ARHGEF3: variants seen among roughly 807,000 people sequenced by gnomAD.
ARHGEF3 encodes 59.8 kDA protein.
ARHGEF3 carries 28 observed loss-of-function variants against 63.2 expected under a neutral mutation model. The observed-to-expected ratio is 0.44, with a 90% CI of 0.33 to 0.61. ARHGEF3 has a LOEUF of 0.61. Ranked by LOEUF, ARHGEF3 falls within the 20% of genes least tolerant of loss-of-function variation. The pLI is 0.03. For synonymous variants in ARHGEF3, 266 were observed against 254.2 expected (o/e 1.05, Z -0.44); for missense variants, 533 against 659.3 (o/e 0.81, Z 2.10).
rs1579095125 is a variant in ARHGEF3 at position 57,015,601 on chromosome 3, T to A, written c.62+19487A>T. Among the ~76,000 whole-genome samples, 10 of 41,378 alleles carry A rather than the reference T, an allele frequency of 2.4e-4. No homozygotes were observed. The South Asian group carries it at 9.9e-3, about 41-fold the overall frequency. The allele number at this position is 41,378 out of a possible 152,430, so 27.1% of individuals were successfully genotyped here. ...GGCGGACACCACCACGCCCTGCTAA[T>A]TTTTTTTTTTTTTTTTTTTTAGTAC... is the stretch of plus-strand genomic sequence containing the variant. On this transcript the variant is annotated intron_variant, in intron 2 of 12. Transcript: ENST00000338458.
chr3:57,073,615 C>T (rs373410293), intron 1 of ARHGEF3: 3 of 1,505,126 alleles, frequency 2.0e-6, no homozygotes, highest in Middle Eastern at 2.3e-4. Context: ...TGCAAGAGTG[C>T]TGCATGCTCC....
chr3:56,992,407 A>AAAAAAAAAAAAAAC (rs1553799653), intron 2 of ARHGEF3, among the ~76,000 whole-genome samples: 4 of 116,178 alleles, frequency 3.4e-5, no homozygotes, highest in Non-Finnish European at 5.9e-5. Context: ...AAAAAAAAAA[A>AAAAAAAAAAAAAAC]AAAAAAACAG....
At chr3:56,925,329 G>A (rs578183852) in intron 3 of ARHGEF3, among the ~76,000 whole-genome samples, 24 of 152,300 alleles carry the variant, frequency 1.6e-4, no homozygotes, top group Admixed American at 9.2e-4. Context: ...TGGTCCTTCC[G>A]AAATTCTCTG....
chr3:57,079,010 C>G (rs1706341780), intron 1 of ARHGEF3: 1 of 339,390 alleles, frequency 2.9e-6, no homozygotes, highest in South Asian at 1.5e-4. Flanking sequence ...ATACCCCAGA[C>G]CAGGGAGCGC....
rs543527048 is a variant in ARHGEF3 at position 57,012,809 on chromosome 3, G to A, written c.62+22279C>T. On this transcript the variant is annotated intron_variant, in intron 2 of 12. Transcript: ENST00000338458. ...CACTTGAGGAGCCCTTCAGCCCACC[G>A]CTGCACTGTGGGAACCCATCTCTGG... 3.6e-3 allele frequency among the ~76,000 whole-genome samples: 548 copies of A among 152,280 alleles called. 4 individuals are homozygous for A. The highest frequency in any genetic ancestry group is 0.013 in the African/African-American group (525 of 41,560).
chr3:57,037,503 G>C (rs993528383), intron 1 of ARHGEF3, among the ~76,000 whole-genome samples: 2 of 152,218 alleles, frequency 1.3e-5, no homozygotes, highest in African/African-American at 4.8e-5. Context: ...AGGGGCCACT[G>C]GCTAGTTCTA....
intron 8 of ARHGEF3, 150 bp from the exon 9 acceptor site, chr3:56,732,574 G>T: frequency 1.2e-6 from 1 of 861,512 alleles, no homozygotes; most frequent in Non-Finnish European, 1.8e-6. Context: ...GAGAACCAAA[G>T]TTGGGCATGT....
In ARHGEF3 at chr3:56,953,434, C is replaced by T. The variant is rs116417977; in HGVS notation, c.129+5389G>A. 7.0e-3 allele frequency among the ~76,000 whole-genome samples: 1,064 copies of T among 152,308 alleles called. 4 individuals are homozygous for T. Among genetic ancestry groups the T allele is most frequent in the Non-Finnish European group, 9.3e-3 (636 of 68,026 alleles). ...GTCCTGATCTCTCCACTGTGAGTGA[C>T]CCTTAGGAGTGGGCTCCATTATTTT... On this transcript the variant is annotated intron_variant, in intron 3 of 12. Coordinates refer to the ARHGEF3 transcript ENST00000338458.
chr3:56,794,279 G>A (rs1402290176), intron 1 of ARHGEF3, among the ~76,000 whole-genome samples: 1 of 152,076 alleles, frequency 6.6e-6, no homozygotes, highest in South Asian at 2.1e-4. Context: ...TCTCAGGTCA[G>A]GAGTTCGAGA....
intron 3 of ARHGEF3, 57 bp from the exon 4 acceptor site, chr3:56,753,623 T>G: frequency 1.3e-6 from 2 of 1,504,226 alleles, no homozygotes; most frequent in Non-Finnish European, 1.8e-6. Flanking sequence ...AAGACCATAT[T>G]CAAATAGTGC....
intron 1 of ARHGEF3, among the ~76,000 whole-genome samples, chr3:57,037,157 C>T (rs558170496): frequency 1.3e-5 from 2 of 152,170 alleles, no homozygotes; most frequent in South Asian, 4.2e-4. Context: ...TATGGAGGGG[C>T]CCAGGCTAGG....
chr3:56,838,853 G>A (rs1394565372), intron 4 of ARHGEF3, among the ~76,000 whole-genome samples: 3 of 152,120 alleles, frequency 2.0e-5, no homozygotes, highest in Non-Finnish European at 4.4e-5. Flanking sequence ...AACCTGGCCG[G>A]GTGCAGTGGC....
intron 4 of ARHGEF3, among the ~76,000 whole-genome samples, chr3:56,839,762 G>A (rs1404033472): frequency 6.6e-6 from 1 of 152,080 alleles, no homozygotes; most frequent in East Asian, 1.9e-4. Context: ...ATCATTGCAA[G>A]GATGCTTTGA....
chr3:57,032,241 T>C (rs906122678), intron 2 of ARHGEF3, among the ~76,000 whole-genome samples: 2 of 152,210 alleles, frequency 1.3e-5, no homozygotes, highest in African/African-American at 4.8e-5. Context: ...CTGCCATCCC[T>C]AACGGTACCC....
At chr3:56,775,029 T>G (rs1426427204) in intron 1 of ARHGEF3, 17 of 1,549,584 alleles carry the variant, frequency 1.1e-5, no homozygotes, top group Non-Finnish European at 1.3e-5. Flanking sequence ...ATCTGACCTG[T>G]AGTAGATGCT....
intron 1 of ARHGEF3, among the ~76,000 whole-genome samples, chr3:57,065,288 CCTAT>C (rs1705463854): frequency 2.0e-5 from 3 of 152,060 alleles, no homozygotes; most frequent in Non-Finnish European, 4.4e-5. Context: ...ATGGTGAAAC[CCTAT>C]CTCTACGAAA....
chr3:56,730,769 A>G (rs886259943), intron 9 of ARHGEF3, among the ~76,000 whole-genome samples: 4 of 152,230 alleles, frequency 2.6e-5, no homozygotes, highest in African/African-American at 9.6e-5. Flanking sequence ...ATCTGCAGTC[A>G]GTCCCTTTGC....
intron 2 of ARHGEF3, among the ~76,000 whole-genome samples, chr3:56,959,110 C>T (rs1700169070): frequency 1.3e-5 from 2 of 152,130 alleles, no homozygotes; most frequent in Non-Finnish European, 2.9e-5. Flanking sequence ...TTAAAATAGC[C>T]CTTCATCTGT....
intron 3 of ARHGEF3, among the ~76,000 whole-genome samples, chr3:56,895,596 TG>T (rs1268132031): frequency 6.6e-6 from 1 of 152,022 alleles, no homozygotes; most frequent in East Asian, 1.9e-4. Flanking sequence ...CCCGAGCAGG[TG>T]GGACTACAGG....
Sources: allele counts gnomAD v4.1 joint callset (sites outside exome capture counted in the v4.1 genomes callset), GRCh38; gene constraint gnomAD v4.1.1; transcripts MANE v1.5; gene names NCBI Gene and HGNC (gene_info 2026-07-23, HGNC 2026-07-21).